LYRM4: variants seen among roughly 807,000 people sequenced by gnomAD.
LYRM4 encodes LYR motif-containing protein 4.
A neutral mutation model predicts 11.7 loss-of-function variants in LYRM4; 9 were observed. The observed-to-expected ratio is 0.77, with a 90% CI of 0.46 to 1.34. The LOEUF is 1.34. Ranked by LOEUF, LYRM4 falls within the 40% of genes most tolerant of loss-of-function variation. The pLI, the probability that LYRM4 is intolerant of heterozygous loss-of-function variation, is 0.00. For missense variants in LYRM4, 133 were observed against 112.5 expected, an observed-to-expected ratio of 1.18 and a Z score of -0.82; for synonymous variants, 42 against 40.4, an observed-to-expected ratio of 1.04 and a Z score of -0.15.
intron 2 of LYRM4, among the ~76,000 whole-genome samples, chr6:5,182,531 A>G (rs1760137195): frequency 6.6e-6 from 1 of 152,252 alleles, no homozygotes; most frequent in African/African-American, 2.4e-5. Context: ...CTGAGAATAA[A>G]CTTATACATG....
In LYRM4 at chr6:5,117,410, C is replaced by T. The variant is rs192282388; in HGVS notation, c.208-7919G>A. On this transcript the variant is annotated intron_variant, in intron 2 of 2. Transcript: ENST00000330636. ...TCTCTACTAAAAATACAAAGATTAGCTGGGTGTGATGGTGTGCGCCTGTAA... is the reference window on the plus strand; with the variant it reads ...TCTCTACTAAAAATACAAAGATTAGTTGGGTGTGATGGTGTGCGCCTGTAA... Among the ~76,000 whole-genome samples, 42 of 152,226 alleles carry T rather than the reference C, an allele frequency of 2.8e-4. No individual in the cohort carries two copies. The East Asian group carries it at 5.2e-3, about 19-fold the overall frequency.
chr6:5,074,222 G>C, the LYRM4 span, among the ~76,000 whole-genome samples: 1 of 152,096 alleles, frequency 6.6e-6, no homozygotes, highest in Non-Finnish European at 1.5e-5. Flanking sequence ...TAAATACATA[G>C]AAAAGAGGTC....
chr6:5,154,540 G>C lies in LYRM4; in HGVS notation c.208-45049C>G, dbSNP rs535279293. Among the ~76,000 whole-genome samples the C allele has an allele frequency of 3.9e-5, 6 of 152,294 alleles. No homozygotes were observed. The South Asian group carries it at 1.0e-3, about 26-fold the overall frequency. Reference sequence around the variant, plus strand: ...TTAAAAAGAAAGGCGGATTCGGCCGGGCGCGGTGGCTCAAGCCTGTAATCC... The same window carrying C: ...TTAAAAAGAAAGGCGGATTCGGCCGCGCGCGGTGGCTCAAGCCTGTAATCC... On this transcript the variant is annotated intron_variant, in intron 2 of 2. Transcript: ENST00000330636.
chr6:5,225,244 A>G (rs1294673749), intron 1 of LYRM4, among the ~76,000 whole-genome samples: 7 of 142,042 alleles, frequency 4.9e-5, no homozygotes, highest in Admixed American at 4.9e-4. Flanking sequence ...CAAGACTCCG[A>G]ATCAAAAAAA....
intron 2 of LYRM4, among the ~76,000 whole-genome samples, chr6:5,214,058 T>C (rs1762125040): frequency 6.6e-6 from 1 of 152,232 alleles, no homozygotes; most frequent in Non-Finnish European, 1.5e-5. Flanking sequence ...GTCCATGCTC[T>C]TCGCCACCCA....
chr6:5,149,984 G>A (rs73717692), intron 2 of LYRM4, among the ~76,000 whole-genome samples: 15,417 of 152,248 alleles, frequency 0.1, 966 homozygotes, highest in South Asian at 0.23. Flanking sequence ...AAGGGCAAAC[G>A]TCAAATGTTA....
At chr6:5,172,345 G>A (rs2127668332) in intron 2 of LYRM4, among the ~76,000 whole-genome samples, 1 of 152,314 alleles carries the variant, frequency 6.6e-6, no homozygotes, top group East Asian at 1.9e-4. Context: ...AAGGAGCTGA[G>A]GAGGGAGGAT....
At chr6:5,225,696 A>C (rs1464584947) in intron 1 of LYRM4, among the ~76,000 whole-genome samples, 2 of 152,210 alleles carry the variant, frequency 1.3e-5, no homozygotes. Flanking sequence ...CATCACGTGC[A>C]TGTCTATTTG....
intron 1 of LYRM4, among the ~76,000 whole-genome samples, chr6:5,229,521 T>C (rs1763107632): frequency 6.6e-6 from 1 of 152,240 alleles, no homozygotes; most frequent in Admixed American, 6.5e-5. Flanking sequence ...TGGTGCAGAA[T>C]TTCTTCCTCC....
At chr6:5,092,834 C>A in the LYRM4 span, among the ~76,000 whole-genome samples, 1 of 152,176 alleles carries the variant, frequency 6.6e-6, no homozygotes, top group African/African-American at 2.4e-5. Flanking sequence ...AGACTTCAGG[C>A]ATTTTTTTAA....
At chr6:5,197,973 C>G (rs2127700649) in intron 2 of LYRM4, among the ~76,000 whole-genome samples, 1 of 152,252 alleles carries the variant, frequency 6.6e-6, no homozygotes, top group South Asian at 2.1e-4. Context: ...GAGTGCAAGA[C>G]CAGCCTGACC....
intron 2 of LYRM4, among the ~76,000 whole-genome samples, chr6:5,182,900 G>A (rs1042540297): frequency 6.6e-6 from 1 of 152,196 alleles, no homozygotes; most frequent in African/African-American, 2.4e-5. Context: ...TTATGTTATA[G>A]AGAATTTTTT....
intron 2 of LYRM4, among the ~76,000 whole-genome samples, chr6:5,195,812 A>C (rs1761019524): frequency 6.6e-6 from 1 of 152,102 alleles, no homozygotes; most frequent in African/African-American, 2.4e-5. Flanking sequence ...CCTTTCTAAC[A>C]CAGATTGTAA....
At chr6:5,229,833 T>C (rs765913826) in intron 1 of LYRM4, among the ~76,000 whole-genome samples, 2 of 152,226 alleles carry the variant, frequency 1.3e-5, no homozygotes, top group Non-Finnish European at 2.9e-5. Context: ...AACATCACCA[T>C]TCTATAGCAG....
At chr6:5,106,387 G>C (rs1762665987), downstream of LYRM4, 1 of 152,234 alleles carries the variant, frequency 6.6e-6, no homozygotes, top group Non-Finnish European at 1.5e-5. Context: ...GAAGATTTGA[G>C]GGTTGGACTA....
At chr6:5,156,042 A>AT (rs1758393434) in intron 2 of LYRM4, among the ~76,000 whole-genome samples, 1 of 152,194 alleles carries the variant, frequency 6.6e-6, no homozygotes, top group Non-Finnish European at 1.5e-5. Flanking sequence ...TTCAACAGTC[A>AT]TTTTTTCAAT....
At chr6:5,144,775 T>C (rs993019131) in intron 2 of LYRM4, among the ~76,000 whole-genome samples, 8 of 152,092 alleles carry the variant, frequency 5.3e-5, no homozygotes, top group African/African-American at 1.9e-4. Context: ...GTCTGGGAGC[T>C]GCAGTGCGGC....
rs143769296 is a variant in LYRM4 at position 5,110,182 on chromosome 6, A to C, written c.208-691T>G. The stretch of plus-strand genomic sequence containing the variant: ...TTTTCTGTAAAGCATTTCCTGAGTG[A>C]TACATTTTTAAGAACAAGTGGAATG... On this transcript the variant is annotated intron_variant, in intron 2 of 2. Transcript: ENST00000330636. Among the ~76,000 whole-genome samples the C allele has an allele frequency of 3.0e-3, 463 of 152,314 alleles. 3 individuals are homozygous for C. The highest frequency in any genetic ancestry group is 0.011 in the African/African-American group (445 of 41,566).
intron 2 of LYRM4, among the ~76,000 whole-genome samples, chr6:5,146,770 A>G (rs56917279): frequency 0.11 from 17,045 of 152,270 alleles, 1,063 homozygotes; most frequent in South Asian, 0.23. Flanking sequence ...TTTCCTCTCA[A>G]AAGAAGACAA....
Sources: allele counts gnomAD v4.1 joint callset (sites outside exome capture counted in the v4.1 genomes callset), GRCh38; gene constraint gnomAD v4.1.1; transcripts MANE v1.5; gene names NCBI Gene and HGNC (gene_info 2026-07-23, HGNC 2026-07-21).